RDX: variants seen among roughly 807,000 people sequenced by gnomAD.
RDX encodes the protein deafness, autosomal recessive 24.
In RDX, 32 loss-of-function variants were observed where a neutral mutation model predicts 83.7. The ratio of observed to expected loss-of-function variants is 0.38; its 90% CI spans 0.29 to 0.51. The LOEUF (loss-of-function observed/expected upper bound fraction) is 0.51, where lower values mean the gene tolerates loss of function less well. Ranked by LOEUF, RDX falls within the 20% of genes least tolerant of loss-of-function variation. The probability of loss-of-function intolerance (pLI) is 0.87; values close to 1 mark genes in which losing one functional copy is unlikely to be tolerated. For synonymous variants in RDX, 229 were observed against 222.7 expected (o/e 1.03, Z -0.25); for missense variants, 600 against 689.9 (o/e 0.87, Z 1.46).
At chr11:110,272,674 A>G (rs930803523) in intron 2 of RDX, 55 bp from the exon 3 acceptor site, 1 of 1,186,762 alleles carries the variant, frequency 8.4e-7, no homozygotes, top group African/African-American at 1.5e-5. Flanking sequence ...AGGCGTGAGA[A>G]AACTTTTATG....
At chr11:110,245,753 CAGG>C (rs986926117) in intron 10 of RDX, among the ~76,000 whole-genome samples, 2 of 151,960 alleles carry the variant, frequency 1.3e-5, no homozygotes, top group Non-Finnish European at 2.9e-5. Context: ...ATGTAAACTC[CAGG>C]AGAATAGGAA....
intron 5 of RDX, among the ~76,000 whole-genome samples, chr11:110,261,687 G>A (rs531825367): frequency 1.3e-5 from 2 of 152,248 alleles, no homozygotes; most frequent in South Asian, 4.1e-4. Flanking sequence ...GCTTGAATTA[G>A]TCCTCCATGG....
At chr11:110,183,329 G>A (rs1398604402) in intron 15 of RDX, among the ~76,000 whole-genome samples, 1 of 152,118 alleles carries the variant, frequency 6.6e-6, no homozygotes. Context: ...TATCTGTATC[G>A]ATAGATACTA....
chr11:110,226,590 C>A (rs1864444034), downstream of RDX, among the ~76,000 whole-genome samples: 1 of 152,066 alleles, frequency 6.6e-6, no homozygotes, highest in Non-Finnish European at 1.5e-5. Flanking sequence ...TACTTAATGG[C>A]ACTGAACTGT....
downstream of RDX, among the ~76,000 whole-genome samples, chr11:110,224,564 AC>A (rs1460430119): frequency 6.6e-6 from 1 of 152,208 alleles, no homozygotes; most frequent in East Asian, 1.9e-4. Context: ...AGAACCCAGA[AC>A]CAAATCCATT....
At chr11:110,295,446 A>G (rs1445840494) in intron 1 of RDX, among the ~76,000 whole-genome samples, 3 of 152,058 alleles carry the variant, frequency 2.0e-5, no homozygotes, top group African/African-American at 7.2e-5. Flanking sequence ...TGCCACAAGA[A>G]TGCCATCGAG....
At chr11:110,182,832 A>C (rs1408937814) in intron 15 of RDX, among the ~76,000 whole-genome samples, 5 of 152,316 alleles carry the variant, frequency 3.3e-5, no homozygotes, top group South Asian at 4.1e-4. Context: ...ACCAGAAGGA[A>C]CTGAAGATGA....
At chr11:110,290,955 C>T (rs566134830) in intron 1 of RDX, among the ~76,000 whole-genome samples, 4 of 152,246 alleles carry the variant, frequency 2.6e-5, no homozygotes, top group African/African-American at 9.6e-5. Context: ...GATATGAGCT[C>T]ACTACATATG....
intron 1 of RDX, among the ~76,000 whole-genome samples, chr11:110,288,104 A>G (rs1488027854): frequency 6.6e-6 from 1 of 152,244 alleles, no homozygotes; most frequent in East Asian, 1.9e-4. Flanking sequence ...GCAGTTTTAA[A>G]TAAGATATTA....
At chr11:110,286,299 C>T (rs568010036) in intron 1 of RDX, among the ~76,000 whole-genome samples, 48 of 152,372 alleles carry the variant, frequency 3.2e-4, no homozygotes, top group African/African-American at 1.2e-3. Flanking sequence ...AGCCAGCAAA[C>T]GTCTCCCATC....
rs113085193 is a variant in RDX at position 110,292,294 on chromosome 11, G to GA, written c.-65+4172dup. Among the ~76,000 whole-genome samples the GA allele has an allele frequency of 4.6e-3, 626 of 135,368 alleles. 13 individuals are homozygous for GA. In the East Asian group the frequency reaches 0.048, roughly 10 times the overall value. The allele number at this position is 135,368 out of a possible 152,430, so 88.8% of individuals were successfully genotyped here. ...GGCAACAGAGCGAGACCCTGTCTTG[G>GA]AAAAAAAAAAAAAAAATTAGCTAGG... On this transcript the variant is annotated intron_variant, in intron 1 of 13. Transcript: ENST00000645495.
intron 5 of RDX, among the ~76,000 whole-genome samples, chr11:110,258,867 CTTTTTTTTT>C (rs11421586): frequency 2.1e-5 from 2 of 94,612 alleles, no homozygotes; most frequent in Admixed American, 2.6e-4. Context: ...CAAATACATT[CTTTTTTTTT>C]TTTTTTTTTT....
chr11:110,296,589 C>T lies in RDX; in HGVS notation c.-187G>A, dbSNP rs1473258458. 6.6e-6 allele frequency: 1 copy of T among 151,078 alleles called. No individual in the cohort carries two copies. Among genetic ancestry groups the T allele is most frequent in the Non-Finnish European group, 1.5e-5 (1 of 67,688 alleles). 9.4% of individuals were successfully genotyped at this position (151,078 alleles called of 1,614,324 possible). A position where few individuals can be genotyped will look rare whatever the true frequency, so the allele number is the denominator to read the frequency against. On this transcript the variant is annotated 5_prime_UTR_variant, in exon 1 of 14. Transcript: ENST00000645495. ...GCCCGCGGGAGACGAGAGGCGCCGC[C>T]GCCACCGCAGACAGCTCCGCAATAT...
At chr11:110,228,333 C>A (rs1864498114), downstream of RDX, among the ~76,000 whole-genome samples, 1 of 152,012 alleles carries the variant, frequency 6.6e-6, no homozygotes. Context: ...ACTGTCATTC[C>A]ATCTGACAGA....
intron 5 of RDX, among the ~76,000 whole-genome samples, chr11:110,258,761 T>G (rs1347610102): frequency 6.6e-6 from 1 of 152,138 alleles, no homozygotes; most frequent in Non-Finnish European, 1.5e-5. Flanking sequence ...GGTAATACTT[T>G]CAATTAAAAA....
chr11:110,210,760 A>G (rs1863803715), intron 14 of RDX, among the ~76,000 whole-genome samples: 1 of 152,172 alleles, frequency 6.6e-6, no homozygotes. Flanking sequence ...GTGAAGGAGA[A>G]ATAAAATACT....
chr11:110,266,554 T>C (rs899573829), intron 3 of RDX, among the ~76,000 whole-genome samples: 1 of 152,092 alleles, frequency 6.6e-6, no homozygotes, highest in African/African-American at 2.4e-5. Context: ...TCTTGGTTTT[T>C]TGTGGGAGTT....
At chr11:110,227,480 T>C (rs1043742721), downstream of RDX, among the ~76,000 whole-genome samples, 4 of 152,020 alleles carry the variant, frequency 2.6e-5, no homozygotes, top group African/African-American at 7.2e-5. Context: ...ACAATTAGAA[T>C]AGGGTGGTAA....
At chr11:110,207,023 A>G (rs1244564169) in intron 14 of RDX, among the ~76,000 whole-genome samples, 1 of 151,994 alleles carries the variant, frequency 6.6e-6, no homozygotes, top group Non-Finnish European at 1.5e-5. Flanking sequence ...CCCAGGCTGG[A>G]GTGCAGTGGC....
Sources: allele counts gnomAD v4.1 joint callset (sites outside exome capture counted in the v4.1 genomes callset), GRCh38; gene constraint gnomAD v4.1.1; transcripts MANE v1.5; gene names NCBI Gene and HGNC (gene_info 2026-07-23, HGNC 2026-07-21).